Variants in RNF111 observed in about 807,000 individuals in gnomAD.
RNF111 encodes ring finger protein 111.
RNF111 carries 17 observed loss-of-function variants against 95.1 expected under a neutral mutation model. The ratio of observed to expected loss-of-function variants is 0.18; its 90% CI spans 0.12 to 0.27. The LOEUF (loss-of-function observed/expected upper bound fraction) is 0.27. Ranked by LOEUF, RNF111 falls within the 10% of genes least tolerant of loss-of-function variation. The pLI is 1.00. For missense variants in RNF111, 1,189 were observed against 1,210.4 expected (o/e 0.98, Z 0.26); for synonymous variants, 440 against 414.8 (o/e 1.06, Z -0.74).
At chr15:59,019,818 G>T (rs1968605) in intron 1 of RNF111, among the ~76,000 whole-genome samples, 2,553 of 152,124 alleles carry the variant, frequency 0.017, 68 homozygotes, top group African/African-American at 0.058. Context: ...AATTAGCCAG[G>T]TGTGGTGGTG....
chr15:59,063,798 T>A (rs2042539430), intron 5 of RNF111, among the ~76,000 whole-genome samples: 1 of 152,178 alleles, frequency 6.6e-6, no homozygotes, highest in Admixed American at 6.5e-5. Context: ...TACCCTGACT[T>A]TTAGAGTCAA....
intron 6 of RNF111, among the ~76,000 whole-genome samples, chr15:59,067,727 C>T (rs8042896): frequency 0.29 from 43,436 of 151,982 alleles, 6,330 homozygotes; most frequent in East Asian, 0.46. Context: ...TGGGATCTTA[C>T]TTTAAACAAA....
rs1366436979 is a variant in RNF111, at chr15:59,095,001, T to C, written c.*101T>C. On this transcript the variant is annotated 3_prime_UTR_variant, in exon 14 of 14. Transcript: ENST00000348370. The stretch of plus-strand genomic sequence containing the variant: ...ACTTACCTGCGCAGATTTGGAAGCA[T>C]TGAACTTAGAGTGCTGGCTCTGCTA... 2.6e-6 allele frequency: 2 copies of C among 781,362 alleles called. No homozygotes were observed. The highest frequency in any genetic ancestry group is 4.6e-6 in the Non-Finnish European group (2 of 434,794). 48.4% of individuals were successfully genotyped at this position (781,362 alleles called of 1,614,324 possible). A position where few individuals can be genotyped will look rare whatever the true frequency, so the allele number is the denominator to read the frequency against.
At chr15:59,003,236 C>G (rs1217080869) in intron 1 of RNF111, among the ~76,000 whole-genome samples, 1 of 152,204 alleles carries the variant, frequency 6.6e-6, no homozygotes, top group African/African-American at 2.4e-5. Flanking sequence ...CCACCTCAGC[C>G]TCCTGAGTAG....
chr15:59,063,679 A>C (rs1351984404), intron 5 of RNF111, among the ~76,000 whole-genome samples: 2 of 152,220 alleles, frequency 1.3e-5, no homozygotes, highest in African/African-American at 2.4e-5. Context: ...TTGAGAAACA[A>C]AGAGGTTCTG....
At chr15:59,040,846 A>T (rs192409271) in intron 2 of RNF111, among the ~76,000 whole-genome samples, 35 of 152,260 alleles carry the variant, frequency 2.3e-4, no homozygotes, top group Admixed American at 8.5e-4. Context: ...CATTTATTTC[A>T]GGGTTGGCTT....
intron 2 of RNF111, among the ~76,000 whole-genome samples, chr15:59,041,961 A>ATTTT (rs79347638): frequency 7.5e-4 from 75 of 100,088 alleles, no homozygotes; most frequent in African/African-American, 2.7e-3. Flanking sequence ...GTCTGTTCAT[A>ATTTT]TTTTTTTTTT....
chr15:59,034,615 G>A (rs764312611), intron 2 of RNF111, among the ~76,000 whole-genome samples: 16 of 152,170 alleles, frequency 1.1e-4, no homozygotes, highest in Non-Finnish European at 1.9e-4. Flanking sequence ...AAATATTAAT[G>A]AGACTTAGCT....
At chr15:59,054,469 A>G (rs1364694477) in intron 3 of RNF111, among the ~76,000 whole-genome samples, 3 of 152,046 alleles carry the variant, frequency 2.0e-5, no homozygotes, top group African/African-American at 7.2e-5. Context: ...TAGACTACTC[A>G]GTCTCATCAT....
intron 1 of RNF111, among the ~76,000 whole-genome samples, chr15:59,009,752 T>G (rs1055789291): frequency 2.0e-5 from 3 of 151,932 alleles, no homozygotes; most frequent in African/African-American, 7.3e-5. Context: ...GCCAGGAGTT[T>G]GAGACCAGAC....
intron 1 of RNF111, among the ~76,000 whole-genome samples, chr15:58,991,262 C>G (rs1289799654): frequency 3.9e-5 from 6 of 151,990 alleles, no homozygotes; most frequent in African/African-American, 1.5e-4. Context: ...TGCACTCCAG[C>G]CTGGGTGACA....
At chr15:59,062,212 T>C (rs528712964) in intron 5 of RNF111, among the ~76,000 whole-genome samples, 1 of 152,088 alleles carries the variant, frequency 6.6e-6, no homozygotes, top group East Asian at 1.9e-4. Context: ...CTGGCCAATT[T>C]ATGTATTTTT....
intron 2 of RNF111, among the ~76,000 whole-genome samples, chr15:59,040,864 G>T (rs916321880): frequency 6.6e-6 from 1 of 152,098 alleles, no homozygotes; most frequent in African/African-American, 2.4e-5. Flanking sequence ...CTTTTTTAAA[G>T]ATATTTTTAA....
intron 1 of RNF111, among the ~76,000 whole-genome samples, chr15:59,008,503 G>A (rs1251343839): frequency 6.6e-6 from 1 of 152,210 alleles, no homozygotes; most frequent in African/African-American, 2.4e-5. Flanking sequence ...ACAGGCGTGA[G>A]CCACCGCACT....
chr15:59,090,901 T>C (rs1038210493), intron 11 of RNF111, among the ~76,000 whole-genome samples, 158 bp from the exon 12 acceptor site: 4 of 152,190 alleles, frequency 2.6e-5, no homozygotes, highest in East Asian at 1.9e-4. Context: ...TATATACTTA[T>C]ATATAAGTAA....
At chr15:58,990,353 G>C (rs1287742723) in intron 1 of RNF111, among the ~76,000 whole-genome samples, 1 of 152,210 alleles carries the variant, frequency 6.6e-6, no homozygotes, top group Non-Finnish European at 1.5e-5. Flanking sequence ...AAATGTGTAT[G>C]TGTAAAACCT....
chr15:59,023,259 G>C (rs1454875537), intron 1 of RNF111, among the ~76,000 whole-genome samples: 5 of 151,930 alleles, frequency 3.3e-5, no homozygotes, highest in Non-Finnish European at 7.4e-5. Context: ...AAGAAAAAAA[G>C]AAAGTGAGGA....
intron 5 of RNF111, among the ~76,000 whole-genome samples, chr15:59,064,366 TCTACTA>T (rs2042565007): frequency 6.6e-6 from 1 of 151,860 alleles, no homozygotes; most frequent in Non-Finnish European, 1.5e-5. Context: ...AAACCCCGTC[TCTACTA>T]AAAATACAAA....
chr15:59,093,079 G>A (rs1395658561), intron 13 of RNF111, among the ~76,000 whole-genome samples: 4 of 152,192 alleles, frequency 2.6e-5, no homozygotes, highest in African/African-American at 7.2e-5. Flanking sequence ...TTTCTGGCAC[G>A]TAGAACTGGC....
Sources: gnomAD v4.1 joint callset for allele counts (sites outside exome capture counted in the v4.1 genomes callset) on GRCh38, gnomAD v4.1.1 for gene constraint, MANE v1.5 for transcripts, NCBI Gene and HGNC (gene_info 2026-07-23, HGNC 2026-07-21) for gene names.